TBC1D5: variants seen among roughly 807,000 people sequenced by gnomAD.
TBC1D5 encodes the protein TBC1 domain family member 5.
TBC1D5 carries 75 observed loss-of-function variants against 100.3 expected under a neutral mutation model. That is an observed-to-expected ratio of 0.75 (90% CI 0.62 to 0.91). TBC1D5 has a LOEUF of 0.91. Ranked by LOEUF, TBC1D5 falls within the 40% of genes least tolerant of loss-of-function variation. The probability of loss-of-function intolerance (pLI) is 0.00; values close to 1 mark genes in which losing one functional copy is unlikely to be tolerated. For synonymous variants in TBC1D5, 323 were observed against 325.6 expected, an observed-to-expected ratio of 0.99 and a Z score of 0.09; for missense variants, 910 against 942.4, an observed-to-expected ratio of 0.97 and a Z score of 0.45.
At chr3:17,292,707 T>C (rs1205652516) in intron 14 of TBC1D5, among the ~76,000 whole-genome samples, 1 of 152,214 alleles carries the variant, frequency 6.6e-6, no homozygotes, top group African/African-American at 2.4e-5. Flanking sequence ...ACTTTACTTC[T>C]TGACAATCTT....
intron 2 of TBC1D5, among the ~76,000 whole-genome samples, chr3:17,548,037 A>G (rs2096435489): frequency 6.6e-6 from 1 of 152,200 alleles, no homozygotes; most frequent in South Asian, 2.1e-4. Flanking sequence ...ATAGCAGGCC[A>G]GGCATGGTGG....
At chr3:17,426,201 A>T (rs1215473123) in intron 4 of TBC1D5, among the ~76,000 whole-genome samples, 3 of 152,204 alleles carry the variant, frequency 2.0e-5, no homozygotes, top group Non-Finnish European at 4.4e-5. Flanking sequence ...AATGGCAACA[A>T]AAAATAATTT....
chr3:17,559,579 C>A (rs1399865668), intron 2 of TBC1D5, among the ~76,000 whole-genome samples: 1 of 150,416 alleles, frequency 6.6e-6, no homozygotes, highest in African/African-American at 2.4e-5. Context: ...TCACTGACCA[C>A]AATACAAATC....
At chr3:17,626,547 T>C (rs963703634) in intron 1 of TBC1D5, among the ~76,000 whole-genome samples, 15 of 152,006 alleles carry the variant, frequency 9.9e-5, no homozygotes, top group African/African-American at 3.4e-4. Context: ...TAGTACAAAA[T>C]ACTAAACAGG....
intron 2 of TBC1D5, among the ~76,000 whole-genome samples, chr3:17,581,468 C>T (rs1037308123): frequency 1.3e-5 from 2 of 152,184 alleles, no homozygotes; most frequent in Non-Finnish European, 2.9e-5. Flanking sequence ...CAAAACAAAA[C>T]TCCTGATCTT....
chr3:17,174,817 C>A (rs574396225), intron 19 of TBC1D5, among the ~76,000 whole-genome samples: 2 of 152,168 alleles, frequency 1.3e-5, no homozygotes, highest in Non-Finnish European at 2.9e-5. Context: ...TGGTCTCGAA[C>A]TCCTGACCTT....
chr3:17,479,705 T>C (rs1371251524), intron 3 of TBC1D5, among the ~76,000 whole-genome samples: 2 of 152,122 alleles, frequency 1.3e-5, no homozygotes, highest in Non-Finnish European at 2.9e-5. Context: ...AGGTATGCTG[T>C]TATGTACCTG....
chr3:17,207,541 C>T (rs1467243313), intron 18 of TBC1D5, among the ~76,000 whole-genome samples: 5 of 152,122 alleles, frequency 3.3e-5, no homozygotes, highest in Admixed American at 1.3e-4. Flanking sequence ...TTAATTGTTA[C>T]CTCTTTAAAG....
At chr3:17,732,720 A>AAAATT (rs2076666222) in intron 1 of TBC1D5, among the ~76,000 whole-genome samples, 1 of 144,812 alleles carries the variant, frequency 6.9e-6, no homozygotes, top group Admixed American at 6.9e-5. Context: ...CCGTCTCAAA[A>AAAATT]AAATAAATAA....
At chr3:17,271,808 C>T (rs1298340204) in intron 15 of TBC1D5, among the ~76,000 whole-genome samples, 1 of 152,006 alleles carries the variant, frequency 6.6e-6, no homozygotes, top group African/African-American at 2.4e-5. Context: ...GGTTTTTTAT[C>T]ATGAAAGGAT....
chr3:17,611,840 T>A (rs1316042803), intron 2 of TBC1D5, among the ~76,000 whole-genome samples: 1 of 152,186 alleles, frequency 6.6e-6, no homozygotes, highest in African/African-American at 2.4e-5. Flanking sequence ...CTAAGAATAA[T>A]GCATTATCTC....
At chr3:17,348,352 A>G (rs1270482444) in intron 13 of TBC1D5, among the ~76,000 whole-genome samples, 1 of 152,198 alleles carries the variant, frequency 6.6e-6, no homozygotes, top group African/African-American at 2.4e-5. Context: ...TTTTTAGTGT[A>G]TATGCAAATC....
At chr3:17,531,514 C>T (rs1274954397) in intron 2 of TBC1D5, among the ~76,000 whole-genome samples, 1 of 152,132 alleles carries the variant, frequency 6.6e-6, no homozygotes, top group African/African-American at 2.4e-5. Flanking sequence ...CAAAAAAGAG[C>T]CCGCATTGCC....
intron 16 of TBC1D5, 102 bp downstream of exon 16, chr3:17,258,404 G>A (rs747543968): frequency 2.7e-6 from 3 of 1,129,192 alleles, no homozygotes; most frequent in Non-Finnish European, 3.9e-6. Flanking sequence ...ATGTACATAT[G>A]CTAAAATCTG....
intron 2 of TBC1D5, among the ~76,000 whole-genome samples, chr3:17,538,334 C>A (rs1576587435): frequency 1.3e-5 from 2 of 152,072 alleles, no homozygotes; most frequent in South Asian, 4.2e-4. Flanking sequence ...CACTAAGAGG[C>A]AAAATGGCCT....
At chr3:17,593,705 GT>G (rs1174093871) in intron 2 of TBC1D5, among the ~76,000 whole-genome samples, 11 of 152,180 alleles carry the variant, frequency 7.2e-5, no homozygotes. Context: ...AGCTAAAGAA[GT>G]GCAGCGGTGG....
At chr3:17,640,479 A>T (rs899456996) in intron 1 of TBC1D5, among the ~76,000 whole-genome samples, 5 of 152,138 alleles carry the variant, frequency 3.3e-5, no homozygotes, top group African/African-American at 1.2e-4. Flanking sequence ...TTAAAAGAAG[A>T]ATTATTTTAG....
chr3:17,248,237 T>C lies in TBC1D5; in HGVS notation c.1332-9818A>G, dbSNP rs567852574. Among the ~76,000 whole-genome samples, 18 of 152,242 alleles carry C rather than the reference T, an allele frequency of 1.2e-4. No homozygotes were observed. In the South Asian group the frequency reaches 3.7e-3, roughly 32 times the overall value. ...GAACTCCTGACCTCAGGTGATCTGCTCGCCTTGGCCTCCCAAAGTGCTGGC... is the reference window on the plus strand; with the variant it reads ...GAACTCCTGACCTCAGGTGATCTGCCCGCCTTGGCCTCCCAAAGTGCTGGC... On this transcript the variant is annotated intron_variant, in intron 16 of 21. Coordinates refer to ENST00000253692, the Ensembl canonical transcript of TBC1D5.
intron 2 of TBC1D5, among the ~76,000 whole-genome samples, chr3:17,532,215 C>G (rs141674076): frequency 0.069 from 10,452 of 152,012 alleles, 703 homozygotes; most frequent in African/African-American, 0.18. Context: ...CATTTATGCA[C>G]CCAAAACACA....
Sources: allele counts gnomAD v4.1 joint callset (sites outside exome capture counted in the v4.1 genomes callset), GRCh38; gene constraint gnomAD v4.1.1; transcripts MANE v1.5; gene names NCBI Gene and HGNC (gene_info 2026-07-23, HGNC 2026-07-21).